Variants in COL5A2 observed in about 807,000 individuals in gnomAD.
COL5A2 encodes collagen type V alpha 2 chain, also known as collagen alpha-2(V) chain.
In COL5A2, 23 loss-of-function variants were observed where a neutral mutation model predicts 208.2. That is an observed-to-expected ratio of 0.11 (90% CI 0.08 to 0.16). The LOEUF is 0.16. Among genes scored for constraint, COL5A2 ranks in the 10% least tolerant of loss-of-function variants. The pLI, the probability that COL5A2 is intolerant of heterozygous loss-of-function variation, is 1.00. For synonymous variants in COL5A2, 625 were observed against 628.5 expected (o/e 0.99, Z 0.08); for missense variants, 1,590 against 1,956.4 (o/e 0.81, Z 3.53).
chr2:189,356,841 T>C, the COL5A2 span, among the ~76,000 whole-genome samples: 2 of 152,214 alleles, frequency 1.3e-5, no homozygotes, highest in African/African-American at 2.4e-5. Flanking sequence ...TTTCAGCCTT[T>C]TTGCACTGGT....
At chr2:189,318,100 C>A in the COL5A2 span, among the ~76,000 whole-genome samples, 1 of 152,080 alleles carries the variant, frequency 6.6e-6, no homozygotes, top group South Asian at 2.1e-4. Flanking sequence ...TATTATCGTG[C>A]TGTTTTTCTA....
At chr2:189,436,989 G>A in the COL5A2 span, among the ~76,000 whole-genome samples, 3 of 151,880 alleles carry the variant, frequency 2.0e-5, no homozygotes, top group Non-Finnish European at 2.9e-5. Context: ...CACATCCTGC[G>A]CATGTACCCT....
At chr2:189,311,296 C>G in the COL5A2 span, 1 of 1,333,058 alleles carries the variant, frequency 7.5e-7, no homozygotes, top group Non-Finnish European at 1.1e-6. Flanking sequence ...TGGTCTCAGA[C>G]ACCACTTGGC....
chr2:189,336,625 T>C, the COL5A2 span, among the ~76,000 whole-genome samples: 1 of 152,194 alleles, frequency 6.6e-6, no homozygotes, highest in African/African-American at 2.4e-5. Context: ...AAAGAACAGA[T>C]ACTGTATGAA....
chr2:189,130,346 A>T (rs957121093), intron 1 of COL5A2, among the ~76,000 whole-genome samples: 2 of 152,078 alleles, frequency 1.3e-5, no homozygotes, highest in African/African-American at 4.8e-5. Flanking sequence ...GTTTTGATAT[A>T]CAGCCTCTTT....
the COL5A2 span, among the ~76,000 whole-genome samples, chr2:189,310,975 A>C: frequency 2.0e-5 from 3 of 151,444 alleles, no homozygotes; most frequent in African/African-American, 7.3e-5. Context: ...AATGAGTACA[A>C]AAAAAAATTA....
intron 53 of COL5A2, 88 bp from the exon 54 acceptor site, chr2:189,034,304 G>T: frequency 7.1e-7 from 1 of 1,400,086 alleles, no homozygotes; most frequent in Non-Finnish European, 1.0e-6. Flanking sequence ...CTTTTATAAT[G>T]TAAAGGCAAT....
the COL5A2 span, among the ~76,000 whole-genome samples, chr2:189,264,106 C>A: frequency 6.6e-3 from 998 of 152,086 alleles, 3 homozygotes; most frequent in Non-Finnish European, 0.01. Context: ...CAATTGCATT[C>A]TTACATACTA....
At chr2:189,311,911 C>A in the COL5A2 span, 8 of 848,940 alleles carry the variant, frequency 9.4e-6, no homozygotes, top group Non-Finnish European at 1.2e-5. Context: ...TTATAAAGAG[C>A]AGCTCTGCCT....
chr2:189,128,791 C>T (rs192661980), intron 1 of COL5A2, among the ~76,000 whole-genome samples: 3 of 152,086 alleles, frequency 2.0e-5, no homozygotes, highest in East Asian at 1.9e-4. Flanking sequence ...TCCTTCCTTA[C>T]GTCCAGCTGT....
At chr2:189,120,980 TTAAAG>T (rs1687489328) in intron 1 of COL5A2, among the ~76,000 whole-genome samples, 1 of 152,210 alleles carries the variant, frequency 6.6e-6, no homozygotes, top group Non-Finnish European at 1.5e-5. Context: ...GGGAATACAG[TTAAAG>T]TAATGAATTC....
At chr2:189,226,934 C>T (rs866846869), upstream of COL5A2, among the ~76,000 whole-genome samples, 1 of 152,120 alleles carries the variant, frequency 6.6e-6, no homozygotes, top group South Asian at 2.1e-4. Context: ...GACAGCAGGT[C>T]AGAGGGCCCA....
chr2:189,432,791 G>A, the COL5A2 span, among the ~76,000 whole-genome samples: 1 of 152,138 alleles, frequency 6.6e-6, no homozygotes, highest in Non-Finnish European at 1.5e-5. Flanking sequence ...AAGTTAACTA[G>A]GATATTCAGG....
At chr2:189,056,214 G>A (rs1329100566) in intron 35 of COL5A2, among the ~76,000 whole-genome samples, 1 of 151,966 alleles carries the variant, frequency 6.6e-6, no homozygotes, top group Non-Finnish European at 1.5e-5. Context: ...TAATTGCCAG[G>A]GCACACATGA....
At position 189,038,993 on chromosome 2, in the gene COL5A2, T is replaced by C. The variant is rs77183421; in HGVS notation, c.3925+279A>G. ...CGTGAGACACCGCACCTGGCCTGTT[T>C]TGTGACTTTTTAATGACAGCCATAC... On this transcript the variant is annotated intron_variant, in intron 51 of 53. Coordinates refer to ENST00000374866, the MANE Select transcript of COL5A2 (RefSeq NM_000393.5). Among the ~76,000 whole-genome samples, 7,444 of 152,192 alleles carry C rather than the reference T, an allele frequency of 0.049. 173 individuals carry two copies. Among genetic ancestry groups the C allele is most frequent in the African/African-American group, 0.062 (2,560 of 41,520 alleles).
chr2:189,035,230 A>G, intron 52 of COL5A2, 75 bp from the exon 53 acceptor site: 3 of 1,560,128 alleles, frequency 1.9e-6, no homozygotes, highest in Non-Finnish European at 2.6e-6. Flanking sequence ...ATAGATAAAT[A>G]TATAAATTGA....
At chr2:189,326,945 C>G in the COL5A2 span, among the ~76,000 whole-genome samples, 1 of 151,752 alleles carries the variant, frequency 6.6e-6, no homozygotes, top group South Asian at 2.1e-4. Flanking sequence ...ATGGCACACA[C>G]CTGTAATCCC....
At chr2:189,071,261 C>T (rs1410392396) in intron 18 of COL5A2, among the ~76,000 whole-genome samples, 1 of 152,168 alleles carries the variant, frequency 6.6e-6, no homozygotes, top group Non-Finnish European at 1.5e-5. Flanking sequence ...ACAGCATAAT[C>T]TTGTGCATAA....
intron 1 of COL5A2, among the ~76,000 whole-genome samples, chr2:189,200,744 T>A (rs940802804): frequency 6.7e-6 from 1 of 149,350 alleles, no homozygotes; most frequent in African/African-American, 2.5e-5. Flanking sequence ...ATATAATACA[T>A]AATGAGGGAA....
Sources: allele counts gnomAD v4.1 joint callset (sites outside exome capture counted in the v4.1 genomes callset), GRCh38; gene constraint gnomAD v4.1.1; transcripts MANE v1.5; gene names NCBI Gene and HGNC (gene_info 2026-07-23, HGNC 2026-07-21).